Variants in RANBP2 observed in about 807,000 individuals in gnomAD.
RANBP2 encodes the protein E3 SUMO-protein ligase RanBP2.
RANBP2 carries 57 observed loss-of-function variants against 303.6 expected under a neutral mutation model. The ratio of observed to expected loss-of-function variants is 0.19; its 90% CI spans 0.15 to 0.23. The LOEUF is 0.23. Ranked by LOEUF, RANBP2 falls within the 10% of genes least tolerant of loss-of-function variation. RANBP2 has a pLI of 1.00. For missense variants in RANBP2, 3,138 were observed against 3,780.8 expected (o/e 0.83, Z 4.46); for synonymous variants, 1,167 against 1,301.5 (o/e 0.90, Z 2.23).
At chr2:109,398,935 C>T in the RANBP2 span, 2 of 1,611,150 alleles carry the variant, frequency 1.2e-6, no homozygotes, top group East Asian at 2.2e-5. Flanking sequence ...GTGCGCTGCT[C>T]CCACCCAGGT....
At chr2:108,760,684 G>A (rs906125979) in intron 18 of RANBP2, among the ~76,000 whole-genome samples, 1 of 152,056 alleles carries the variant, frequency 6.6e-6, no homozygotes, top group African/African-American at 2.4e-5. Context: ...CATGCAAATG[G>A]CAGTTGGTAG....
intron 1 of RANBP2, among the ~76,000 whole-genome samples, chr2:108,722,580 T>C (rs536546885): frequency 1.3e-5 from 2 of 150,656 alleles, no homozygotes; most frequent in African/African-American, 2.5e-5. Context: ...TCTTTCATTG[T>C]GCTTTCATTT....
the RANBP2 span, among the ~76,000 whole-genome samples, chr2:109,691,736 C>T: frequency 6.6e-6 from 1 of 151,598 alleles, no homozygotes; most frequent in African/African-American, 2.4e-5. Context: ...ACATGCAGCC[C>T]TGTTTCCACC....
downstream of RANBP2, among the ~76,000 whole-genome samples, chr2:108,787,119 A>G (rs1678975502): frequency 6.6e-6 from 1 of 152,142 alleles, no homozygotes; most frequent in Non-Finnish European, 1.5e-5. Flanking sequence ...CGCTTCACCT[A>G]TGCCTCTGTG....
rs1452764177 is a variant in RANBP2 at position 108,783,838 on chromosome 2, A to G, written c.9612A>G (p.Ser3204=). 1.2e-6 allele frequency: 2 copies of G among 1,613,246 alleles called. No homozygotes were observed. Among genetic ancestry groups the G allele is most frequent in the East Asian group, 2.2e-5 (1 of 44,822 alleles). Residue 3204 remains serine, a synonymous_variant, in exon 29 of 29, where the codon TCA becomes TCG. Transcript: ENST00000283195. ...TGGATACTGTGAAAAAGATTGAATC[A>G]TTTGGTTCTCCCAAAGGGTCTGTTT... ...DGMDTVKKIE[S]FGSPKGSVCR...
the RANBP2 span, among the ~76,000 whole-genome samples, chr2:109,307,145 T>C: frequency 2.0e-5 from 3 of 152,364 alleles, no homozygotes; most frequent in African/African-American, 7.2e-5. Context: ...AAAGTACCTG[T>C]TGTACTCTTC....
At chr2:108,974,017 A>G in the RANBP2 span, among the ~76,000 whole-genome samples, 1 of 152,150 alleles carries the variant, frequency 6.6e-6, no homozygotes, top group Admixed American at 6.5e-5. Context: ...TCCAAATAGA[A>G]ATAATAAGAA....
chr2:109,516,670 C>A, the RANBP2 span, among the ~76,000 whole-genome samples: 1 of 152,196 alleles, frequency 6.6e-6, no homozygotes. Flanking sequence ...CTCGCAGGAG[C>A]CCCCAGCCCC....
the RANBP2 span, among the ~76,000 whole-genome samples, chr2:108,821,615 A>G: frequency 6.6e-5 from 10 of 152,148 alleles, no homozygotes; most frequent in Non-Finnish European, 1.3e-4. Context: ...AAAAAGCTAC[A>G]AAACATACAG....
chr2:109,207,729 G>T, the RANBP2 span, among the ~76,000 whole-genome samples: 1 of 152,136 alleles, frequency 6.6e-6, no homozygotes, highest in Admixed American at 6.5e-5. Context: ...ACTTACCTGA[G>T]ACTGAATTAT....
At chr2:108,874,530 C>T in the RANBP2 span, among the ~76,000 whole-genome samples, 147 of 152,234 alleles carry the variant, frequency 9.7e-4, no homozygotes, top group African/African-American at 3.3e-3. Flanking sequence ...GATTTAGGTT[C>T]AGCTCTTCTC....
At chr2:109,625,434 C>G in the RANBP2 span, among the ~76,000 whole-genome samples, 10 of 150,766 alleles carry the variant, frequency 6.6e-5, no homozygotes, top group Non-Finnish European at 1.3e-4. Context: ...GCAGGCGGAT[C>G]GCGAGGTCAG....
the RANBP2 span, among the ~76,000 whole-genome samples, chr2:108,994,815 TATATATATATATA>T: frequency 6.3e-4 from 63 of 100,354 alleles, no homozygotes; most frequent in Middle Eastern, 6.3e-3. Flanking sequence ...TATATATATA[TATATATATATATA>T]TCTTTTTTTT....
At chr2:109,108,632 T>C in the RANBP2 span, among the ~76,000 whole-genome samples, 2 of 152,154 alleles carry the variant, frequency 1.3e-5, no homozygotes, top group Non-Finnish European at 2.9e-5. Flanking sequence ...GTGCCAACCC[T>C]AACCTGGAAA....
At chr2:109,590,110 G>GTA in the RANBP2 span, among the ~76,000 whole-genome samples, 4 of 149,750 alleles carry the variant, frequency 2.7e-5, no homozygotes, top group Admixed American at 6.7e-5. Context: ...ATATATGTAT[G>GTA]TATATATATA....
the RANBP2 span, among the ~76,000 whole-genome samples, chr2:108,977,522 G>A: frequency 1.3e-5 from 2 of 152,006 alleles, no homozygotes; most frequent in African/African-American, 2.4e-5. Context: ...CGCCAGCCTC[G>A]GCCTCCCAAA....
chr2:109,585,738 A>G, the RANBP2 span: 12 of 1,612,814 alleles, frequency 7.4e-6, no homozygotes, highest in African/African-American at 1.3e-5. Flanking sequence ...GAGAATATTA[A>G]AGCAGAAACC....
At chr2:109,389,763 TATGTATAATG>T in the RANBP2 span, among the ~76,000 whole-genome samples, 1 of 152,218 alleles carries the variant, frequency 6.6e-6, no homozygotes, top group Non-Finnish European at 1.5e-5. Flanking sequence ...ACACATTACA[TATGTATAATG>T]CGAGTGATCA....
At chr2:109,635,425 T>G in the RANBP2 span, among the ~76,000 whole-genome samples, 18 of 152,312 alleles carry the variant, frequency 1.2e-4, no homozygotes, top group Middle Eastern at 0.01. Context: ...TCAGATAATC[T>G]GCCCACCTCG....
Sources: allele counts gnomAD v4.1 joint callset (sites outside exome capture counted in the v4.1 genomes callset), GRCh38; gene constraint gnomAD v4.1.1; transcripts MANE v1.5; gene names NCBI Gene and HGNC (gene_info 2026-07-23, HGNC 2026-07-21).